ALK: variants seen among roughly 807,000 people sequenced by gnomAD.
ALK encodes ALK tyrosine kinase receptor.
A neutral mutation model predicts 163.1 loss-of-function variants in ALK; 74 were observed. That is an observed-to-expected ratio of 0.45 (90% CI 0.38 to 0.55). ALK has a LOEUF of 0.55. ALK is among the 20% of genes least tolerant of loss of function. The pLI, the probability that ALK is intolerant of heterozygous loss-of-function variation, is 0.00. For synonymous variants in ALK, 960 were observed against 843.2 expected (o/e 1.14, Z -2.40); for missense variants, 2,063 against 2,105.3 (o/e 0.98, Z 0.39).
chr2:29,407,869 A>G (rs79105134), intron 4 of ALK, among the ~76,000 whole-genome samples: 3,815 of 152,078 alleles, frequency 0.025, 167 homozygotes, highest in African/African-American at 0.086. Context: ...ACCTTTTTCT[A>G]CCTCATCTCT....
At chr2:29,343,175 C>T (rs1307649114) in intron 5 of ALK, among the ~76,000 whole-genome samples, 4 of 150,124 alleles carry the variant, frequency 2.7e-5, no homozygotes, top group South Asian at 2.1e-4. Flanking sequence ...CATGAGCCAC[C>T]GTGCCTGGCC....
At chr2:29,458,999 G>A (rs1671023194) in intron 4 of ALK, among the ~76,000 whole-genome samples, 1 of 152,066 alleles carries the variant, frequency 6.6e-6, no homozygotes, top group African/African-American at 2.4e-5. Flanking sequence ...TAGGTCACTT[G>A]GGAAATGTTT....
intron 1 of ALK, among the ~76,000 whole-genome samples, chr2:29,739,240 TAA>T (rs57381961): frequency 0.42 from 16,705 of 39,482 alleles, 2,497 homozygotes; most frequent in East Asian, 0.5. Flanking sequence ...CAGTCTCTCT[TAA>T]AAAAAAAAAA....
Position 29,694,838 on chromosome 2 carries a change from C to T in ALK, c.952+12G>A, listed in dbSNP as rs754270761. Reference sequence around the variant, plus strand: ...GACCCACCCAGGACATCACCAGCAGCCTCTCCCTTACCTCTGGGCATCTCC... The same window carrying T: ...GACCCACCCAGGACATCACCAGCAGTCTCTCCCTTACCTCTGGGCATCTCC... On this transcript the variant is annotated intron_variant, in intron 3 of 28. Transcript: ENST00000389048. The T allele has an allele frequency of 6.2e-7, 1 of 1,613,400 alleles. No individual in the cohort carries two copies. The highest frequency in any genetic ancestry group is 1.1e-5 in the South Asian group (1 of 91,046).
chr2:29,655,819 T>A (rs1677167887), intron 3 of ALK, among the ~76,000 whole-genome samples: 1 of 152,196 alleles, frequency 6.6e-6, no homozygotes, highest in Non-Finnish European at 1.5e-5. Context: ...AAGGATTGTG[T>A]TTAAGCAACT....
chr2:29,352,396 G>A (rs941026228), intron 5 of ALK, among the ~76,000 whole-genome samples: 24 of 152,328 alleles, frequency 1.6e-4, no homozygotes, highest in African/African-American at 5.8e-4. Flanking sequence ...AGGGCCACGT[G>A]GTCACGAAAG....
intron 2 of ALK, among the ~76,000 whole-genome samples, chr2:29,698,580 G>C (rs1320252391): frequency 6.6e-6 from 1 of 152,212 alleles, no homozygotes; most frequent in Non-Finnish European, 1.5e-5. Flanking sequence ...CATGCCAACT[G>C]TCTGAGTTGT....
rs372331192 is a variant in ALK at position 29,640,837 on chromosome 2, G to T, written c.952+54013C>A. 4.1e-4 allele frequency among the ~76,000 whole-genome samples: 63 copies of T among 152,268 alleles called. No individual in the cohort carries two copies. In the East Asian group the frequency reaches 7.3e-3, roughly 18 times the overall value. ...GGATTATGGAAGGGGTCCATATGGGGTGTTGAATTAGTCAGGTAGTGAAGG... is the reference window on the plus strand; with the variant it reads ...GGATTATGGAAGGGGTCCATATGGGTTGTTGAATTAGTCAGGTAGTGAAGG... On this transcript the variant is annotated intron_variant, in intron 3 of 28. Transcript: ENST00000389048.
intron 3 of ALK, among the ~76,000 whole-genome samples, chr2:29,627,834 T>C (rs759112079): frequency 4.5e-4 from 68 of 152,296 alleles, no homozygotes; most frequent in Admixed American, 7.8e-4. Context: ...CAAGAAGAGA[T>C]CTTGTGTGTT....
intron 1 of ALK, among the ~76,000 whole-genome samples, chr2:29,880,521 G>T (rs1436252187): frequency 6.6e-6 from 1 of 152,138 alleles, no homozygotes; most frequent in Non-Finnish European, 1.5e-5. Flanking sequence ...TGACTTAGTG[G>T]CTGTCACCCA....
intron 1 of ALK, among the ~76,000 whole-genome samples, chr2:29,793,736 C>T (rs551873626): frequency 8.5e-5 from 13 of 152,252 alleles, no homozygotes; most frequent in African/African-American, 3.1e-4. Flanking sequence ...TTTTTCTGAG[C>T]AGTAGGTATT....
chr2:29,343,460 C>T (rs1032760389), intron 5 of ALK, among the ~76,000 whole-genome samples: 3 of 152,056 alleles, frequency 2.0e-5, no homozygotes, highest in Admixed American at 6.6e-5. Flanking sequence ...AGCAATCCTC[C>T]TGCTTTAGCC....
chr2:29,418,852 A>G (rs1669946101), intron 4 of ALK, among the ~76,000 whole-genome samples: 1 of 147,168 alleles, frequency 6.8e-6, no homozygotes, highest in Non-Finnish European at 1.5e-5. Flanking sequence ...TACATCCAGA[A>G]TTAATACATT....
chr2:29,499,900 T>G (rs1672123631), intron 4 of ALK, among the ~76,000 whole-genome samples: 1 of 152,272 alleles, frequency 6.6e-6, no homozygotes, highest in East Asian at 1.9e-4. Context: ...TCCCCTGTTC[T>G]TCCCTCCCCA....
intron 11 of ALK, among the ~76,000 whole-genome samples, chr2:29,267,427 T>G (rs1213098582): frequency 6.6e-6 from 1 of 152,236 alleles, no homozygotes; most frequent in Non-Finnish European, 1.5e-5. Flanking sequence ...TACGGTCATT[T>G]GTTACAACAC....
At chr2:29,852,587 C>T (rs187479674) in intron 1 of ALK, among the ~76,000 whole-genome samples, 19 of 152,362 alleles carry the variant, frequency 1.2e-4, no homozygotes, top group Admixed American at 1.1e-3. Context: ...CCTTCCTCCA[C>T]ACCTATTCCC....
chr2:29,437,661 C>T lies in ALK; in HGVS notation c.1155-53802G>A, dbSNP rs1013553622. Among the ~76,000 whole-genome samples the T allele has an allele frequency of 4.1e-4, 63 of 152,166 alleles. 1 individual carries two copies. The highest frequency in any genetic ancestry group is 1.3e-4 in the Admixed American group (2 of 15,288). The stretch of plus-strand genomic sequence containing the variant: ...TTATAGAATTGCTGCTACCTAATGA[C>T]ACCATCCAATTCAGAGCAAAGTCCT... On this transcript the variant is annotated intron_variant, in intron 4 of 28. Transcript: ENST00000389048.
intron 3 of ALK, among the ~76,000 whole-genome samples, chr2:29,588,943 A>T (rs920128762): frequency 6.6e-6 from 1 of 152,284 alleles, no homozygotes; most frequent in South Asian, 2.1e-4. Context: ...TGCATTGGGT[A>T]CTGGTGAACA....
At chr2:29,747,774 A>C (rs1325826816) in intron 1 of ALK, among the ~76,000 whole-genome samples, 1 of 152,200 alleles carries the variant, frequency 6.6e-6, no homozygotes, top group Non-Finnish European at 1.5e-5. Context: ...CACCAAATCC[A>C]ATACCTTTTC....
Sources: allele counts gnomAD v4.1 joint callset (sites outside exome capture counted in the v4.1 genomes callset), GRCh38; gene constraint gnomAD v4.1.1; transcripts MANE v1.5; gene names NCBI Gene and HGNC (gene_info 2026-07-23, HGNC 2026-07-21).